Variants in RTN4IP1 observed in about 807,000 individuals in gnomAD.
RTN4IP1 encodes NAD(P)H oxidoreductase RTN4IP1, mitochondrial.
Under a neutral mutation model 46.6 loss-of-function variants are expected in RTN4IP1, and 32 were observed. The observed-to-expected ratio is 0.69, with a 90% confidence interval of 0.52 to 0.92. The LOEUF is 0.92. Ranked by LOEUF, RTN4IP1 falls within the 40% of genes least tolerant of loss-of-function variation. The pLI is 0.00. For missense variants in RTN4IP1, 424 were observed against 485.8 expected (o/e 0.87, Z 1.20); for synonymous variants, 167 against 161.8 (o/e 1.03, Z -0.24).
intron 4 of RTN4IP1, among the ~76,000 whole-genome samples, chr6:106,612,460 G>C (rs144437227): frequency 1.7e-3 from 263 of 150,826 alleles, no homozygotes; most frequent in African/African-American, 6.0e-3. Context: ...AAGTAGTGAG[G>C]TCAGAGGATT....
At chr6:106,589,942 T>C (rs991845597) in intron 6 of RTN4IP1, among the ~76,000 whole-genome samples, 1 of 152,174 alleles carries the variant, frequency 6.6e-6, no homozygotes, top group Non-Finnish European at 1.5e-5. Flanking sequence ...TAGCACCGCT[T>C]TGGGAGCCTA....
In RTN4IP1 at chr6:106,628,931, T is replaced by C. The variant is rs1776732913; in HGVS notation, c.91A>G (p.Arg31Gly). Residue 31 changes from arginine (R) to glycine (G), a missense_variant, in exon 1 of 9, where the codon AGA becomes GGA. Arg to Gly is a moderately radical substitution (Grantham distance 125, BLOSUM62 -2). Transcript: ENST00000369063. ...RSKVVQKPSV[R>G]RISTTSPRST... The stretch of plus-strand genomic sequence containing the variant: ...CTAGGAGAGGTAGTACTAATCCTTC[T>C]AACTGAAGGCTTTTGGACAACTTTG... 3 of 1,614,012 alleles carry C rather than the reference T, an allele frequency of 1.9e-6. No homozygotes were observed. The highest frequency in any genetic ancestry group is 2.5e-6 in the Non-Finnish European group (3 of 1,179,862).
intron 4 of RTN4IP1, among the ~76,000 whole-genome samples, chr6:106,611,779 T>C (rs187038810): frequency 6.6e-6 from 1 of 152,234 alleles, no homozygotes; most frequent in East Asian, 1.9e-4. Flanking sequence ...GTAATGCATG[T>C]TGACATCCCC....
At chr6:106,603,217 T>C (rs565147685) in intron 4 of RTN4IP1, among the ~76,000 whole-genome samples, 1 of 152,340 alleles carries the variant, frequency 6.6e-6, no homozygotes, top group South Asian at 2.1e-4. Flanking sequence ...ATATCTGCCT[T>C]ATAATTTTTC....
intron 4 of RTN4IP1, among the ~76,000 whole-genome samples, chr6:106,609,977 ATCGTTT>A (rs1479379264): frequency 6.6e-6 from 1 of 152,208 alleles, no homozygotes; most frequent in Non-Finnish European, 1.5e-5. Flanking sequence ...CTGAGGACAC[ATCGTTT>A]TCTGGTCCTG....
chr6:106,601,473 T>C (rs1484930871), intron 5 of RTN4IP1, among the ~76,000 whole-genome samples: 6 of 152,228 alleles, frequency 3.9e-5, no homozygotes, highest in Non-Finnish European at 7.3e-5. Flanking sequence ...TAAAAATCTG[T>C]TGCCAAATCT....
chr6:106,619,721 C>G (rs1776439165), intron 3 of RTN4IP1, among the ~76,000 whole-genome samples: 1 of 149,928 alleles, frequency 6.7e-6, no homozygotes, highest in African/African-American at 2.5e-5. Context: ...ACACCATTCT[C>G]CTGCCTCAGC....
At chr6:106,617,484 A>C (rs1468750760) in intron 4 of RTN4IP1, among the ~76,000 whole-genome samples, 1 of 152,192 alleles carries the variant, frequency 6.6e-6, no homozygotes, top group East Asian at 1.9e-4. Flanking sequence ...CTATACTCAT[A>C]AACTCAGAGG....
chr6:106,587,648 T>A, intron 7 of RTN4IP1, 31 bp downstream of exon 7: 1 of 1,582,498 alleles, frequency 6.3e-7, no homozygotes, highest in Non-Finnish European at 8.6e-7. Flanking sequence ...GGAGGCTGCC[T>A]GCAGTCACCA....
intron 1 of RTN4IP1, among the ~76,000 whole-genome samples, chr6:106,624,564 T>C (rs1776586797): frequency 6.7e-6 from 1 of 149,168 alleles, no homozygotes; most frequent in South Asian, 2.1e-4. Flanking sequence ...CTCAAACTCC[T>C]AGGCTCAAGC....
chr6:106,605,884 A>G (rs35077265), intron 4 of RTN4IP1, among the ~76,000 whole-genome samples: 1 of 151,698 alleles, frequency 6.6e-6, no homozygotes, highest in Non-Finnish European at 1.5e-5. Context: ...TCACCCAGGA[A>G]CAAAGCCAAA....
At chr6:106,625,809 A>C (rs1291462064) in intron 1 of RTN4IP1, among the ~76,000 whole-genome samples, 3 of 151,580 alleles carry the variant, frequency 2.0e-5, no homozygotes, top group African/African-American at 7.3e-5. Context: ...GATTACAGGC[A>C]TGCGCCACCA....
intron 5 of RTN4IP1, among the ~76,000 whole-genome samples, chr6:106,602,422 CT>C (rs1775970798): frequency 6.6e-6 from 1 of 151,998 alleles, no homozygotes; most frequent in African/African-American, 2.4e-5. Context: ...ATTTTGCAGG[CT>C]TTTTAGCCTG....
chr6:106,629,602 C>T, upstream of RTN4IP1: 1 of 1,518,964 alleles, frequency 6.6e-7, no homozygotes, highest in Non-Finnish European at 8.9e-7. Context: ...ATGGCTGCGC[C>T]CATGTAACAT....
chr6:106,623,661 G>A (rs1776553613), intron 1 of RTN4IP1, among the ~76,000 whole-genome samples: 1 of 152,132 alleles, frequency 6.6e-6, no homozygotes, highest in South Asian at 2.1e-4. Context: ...AGCCACCATT[G>A]TTCAAAATAT....
At chr6:106,617,320 T>C (rs1776380221) in intron 4 of RTN4IP1, among the ~76,000 whole-genome samples, 4 of 152,246 alleles carry the variant, frequency 2.6e-5, no homozygotes. Context: ...AAGTCCATGA[T>C]GTGAATTGTT....
intron 3 of RTN4IP1, 57 bp downstream of exon 3, chr6:106,621,368 T>C (rs1469172896): frequency 8.0e-7 from 1 of 1,249,470 alleles, no homozygotes; most frequent in Admixed American, 1.7e-5. Flanking sequence ...TTATTTCAGA[T>C]ATTTGCCAGT....
intron 5 of RTN4IP1, among the ~76,000 whole-genome samples, chr6:106,596,363 G>C (rs1775792470): frequency 6.6e-6 from 1 of 152,140 alleles, no homozygotes; most frequent in Non-Finnish European, 1.5e-5. Context: ...CAGGAAGGTT[G>C]CTTGAGGCCA....
At chr6:106,619,805 G>T (rs1482175039) in intron 3 of RTN4IP1, among the ~76,000 whole-genome samples, 1 of 151,504 alleles carries the variant, frequency 6.6e-6, no homozygotes, top group Non-Finnish European at 1.5e-5. Context: ...TAGAGACAGG[G>T]TTTCACCGTG....
Sources: gnomAD v4.1 joint callset for allele counts (sites outside exome capture counted in the v4.1 genomes callset) on GRCh38, gnomAD v4.1.1 for gene constraint, MANE v1.5 for transcripts, NCBI Gene and HGNC (gene_info 2026-07-23, HGNC 2026-07-21) for gene names.